The following RNF168 variants were observed in gnomAD, a reference collection of about 807,000 sequenced individuals.
RNF168 encodes the protein E3 ubiquitin-protein ligase RNF168.
Under a neutral mutation model 34.9 loss-of-function variants are expected in RNF168, and 34 were observed. The observed-to-expected ratio is 0.97, with a 90% CI of 0.74 to 1.30. The LOEUF is 1.30. RNF168 is among the 50% of genes most tolerant of loss of function. RNF168 has a pLI of 0.00. For synonymous variants in RNF168, 264 were observed against 254.7 expected (o/e 1.04, Z -0.35); for missense variants, 725 against 682.5 (o/e 1.06, Z -0.69).
chr3:196,474,188 C>T (rs576666852), intron 5 of RNF168, among the ~76,000 whole-genome samples: 7 of 144,048 alleles, frequency 4.9e-5, no homozygotes, highest in East Asian at 4.0e-4. Context: ...AGTGCAATGG[C>T]GACATCTCAG....
intron 4 of RNF168, among the ~76,000 whole-genome samples, chr3:196,480,582 A>G (rs1227893276): frequency 6.6e-6 from 1 of 152,244 alleles, no homozygotes; most frequent in South Asian, 2.1e-4. Flanking sequence ...TTGTAGTATT[A>G]GGCATCTTCT....
chr3:196,472,303 G>A lies in RNF168; in HGVS notation c.1232C>T (p.Ser411Phe). 6.2e-7 allele frequency: 1 copy of A among 1,613,838 alleles called. No homozygotes were observed. The highest frequency in any genetic ancestry group is 8.5e-7 in the Non-Finnish European group (1 of 1,179,762). ...PCFSAKRRKV[S>F]PESSPDQEET... ...CTCTTGATCTGGGGAAGATTCGGGGGACACTTTTCTTCTTTTTGCAGAAAA... is the reference window on the plus strand; with the variant it reads ...CTCTTGATCTGGGGAAGATTCGGGGAACACTTTTCTTCTTTTTGCAGAAAA... The change falls in exon 6 of 6, where the codon TCC (serine) becomes TTC (phenylalanine). Residue 411 changes from serine to phenylalanine, a missense_variant. By Grantham distance (155) the Ser-to-Phe change is radical. Transcript: ENST00000318037.
At chr3:196,498,374 T>C (rs1277247517) in intron 1 of RNF168, among the ~76,000 whole-genome samples, 1 of 152,064 alleles carries the variant, frequency 6.6e-6, no homozygotes, top group Non-Finnish European at 1.5e-5. Context: ...AGGCTGGTCT[T>C]GAACTCCTGA....
intron 3 of RNF168, among the ~76,000 whole-genome samples, chr3:196,487,123 A>C (rs946861290): frequency 6.6e-6 from 1 of 152,264 alleles, no homozygotes; most frequent in Non-Finnish European, 1.5e-5. Context: ...ATTTTACTTT[A>C]AGTAAAGCAA....
intron 1 of RNF168, among the ~76,000 whole-genome samples, chr3:196,500,058 T>C (rs1452713177): frequency 6.6e-6 from 1 of 152,146 alleles, no homozygotes; most frequent in African/African-American, 2.4e-5. Context: ...TTGGTGGGAA[T>C]GTAAAACGGT....
intron 1 of RNF168, among the ~76,000 whole-genome samples, chr3:196,500,776 A>ATC (rs1364961348): frequency 2.6e-5 from 4 of 151,526 alleles, no homozygotes; most frequent in Non-Finnish European, 5.9e-5. Flanking sequence ...CGGTGGCGTG[A>ATC]TCTCGGCTCA....
intron 3 of RNF168, among the ~76,000 whole-genome samples, chr3:196,485,735 A>T (rs148725417): frequency 3.7e-4 from 57 of 152,236 alleles, no homozygotes; most frequent in African/African-American, 1.2e-3. Context: ...AAAAGAAAAA[A>T]ATTCCCAATT....
chr3:196,493,264 T>C (rs1732639868), intron 1 of RNF168, among the ~76,000 whole-genome samples: 1 of 152,218 alleles, frequency 6.6e-6, no homozygotes, highest in Non-Finnish European at 1.5e-5. Flanking sequence ...ATGACAGATT[T>C]TTAAAGTTTA....
intron 4 of RNF168, among the ~76,000 whole-genome samples, chr3:196,479,405 C>A (rs566860715): frequency 2.0e-5 from 3 of 151,808 alleles, no homozygotes; most frequent in African/African-American, 7.3e-5. Flanking sequence ...CCCAGGTTCA[C>A]GTGATCCTGC....
chr3:196,496,257 A>G (rs959745923), intron 1 of RNF168, among the ~76,000 whole-genome samples: 3 of 152,218 alleles, frequency 2.0e-5, no homozygotes, highest in Admixed American at 2.0e-4. Flanking sequence ...GTTCTGGCTA[A>G]AAGTCCAAAA....
At position 196,475,320 on chromosome 3, in the gene RNF168, A is replaced by C. The variant is rs994961796; in HGVS notation, c.681-8T>G. ...GATTTCGGTGTCAAATACCTAAAAG[A>C]AAAGTTTACCAAAGTTTCAATGCTT... On this transcript the variant is annotated splice_polypyrimidine_tract_variant and splice_region_variant and intron_variant, in intron 4 of 5. Transcript: ENST00000318037. 1.3e-6 allele frequency: 2 copies of C among 1,562,888 alleles called. No homozygotes were observed. Among genetic ancestry groups the C allele is most frequent in the Non-Finnish European group, 1.8e-6 (2 of 1,133,242 alleles).
At chr3:196,497,092 G>C (rs1275021924) in intron 1 of RNF168, among the ~76,000 whole-genome samples, 1 of 151,978 alleles carries the variant, frequency 6.6e-6, no homozygotes, top group Non-Finnish European at 1.5e-5. Flanking sequence ...GATGTAGTGA[G>C]CTGAGATCAC....
At chr3:196,480,706 A>AATC (rs1466960575) in intron 4 of RNF168, among the ~76,000 whole-genome samples, 5 of 152,268 alleles carry the variant, frequency 3.3e-5, no homozygotes, top group Non-Finnish European at 7.4e-5. Context: ...GCAGTGGTAA[A>AATC]ATCACAGCTC....
chr3:196,496,006 A>G (rs916051438), intron 1 of RNF168, among the ~76,000 whole-genome samples: 6 of 152,194 alleles, frequency 3.9e-5, no homozygotes, highest in African/African-American at 1.4e-4. Context: ...CATAAATTAA[A>G]AATACATAAA....
intron 4 of RNF168, among the ~76,000 whole-genome samples, chr3:196,480,449 C>T (rs1053769334): frequency 1.3e-5 from 2 of 152,264 alleles, no homozygotes; most frequent in Admixed American, 1.3e-4. Flanking sequence ...TCTCTAAACA[C>T]TTTATTGATT....
At chr3:196,501,319 A>C (rs1446653555) in intron 1 of RNF168, among the ~76,000 whole-genome samples, 1 of 152,208 alleles carries the variant, frequency 6.6e-6, no homozygotes, top group Non-Finnish European at 1.5e-5. Flanking sequence ...AAAGGTGAAA[A>C]AAACCAATGT....
chr3:196,472,145 G>C lies in RNF168; in HGVS notation c.1390C>G (p.Pro464Ala). 1 of 1,613,880 alleles carries C rather than the reference G, an allele frequency of 6.2e-7. No individual in the cohort carries two copies. The highest frequency in any genetic ancestry group is 1.7e-5 in the Admixed American group (1 of 59,948). ...QKEVDKEQMV[P>A]NRQKGSPDEY... ...TCTGGGGATCCTTTTTGCCGGTTTGGCACCATTTGCTCTTTATCCACCTCC... is the reference window on the plus strand; with the variant it reads ...TCTGGGGATCCTTTTTGCCGGTTTGCCACCATTTGCTCTTTATCCACCTCC... The change falls in exon 6 of 6, where the codon CCA becomes GCA. Residue 464 changes from proline to alanine, a missense_variant. Pro to Ala is a conservative substitution (Grantham distance 27). Coordinates refer to ENST00000318037, the MANE Select transcript of RNF168 (RefSeq NM_152617.4).
intron 4 of RNF168, among the ~76,000 whole-genome samples, chr3:196,482,524 G>C (rs957787369): frequency 6.6e-6 from 1 of 152,178 alleles, no homozygotes; most frequent in Non-Finnish European, 1.5e-5. Context: ...ATCACCAACT[G>C]TTTTCTGCAG....
intron 1 of RNF168, among the ~76,000 whole-genome samples, chr3:196,499,455 A>T (rs1163181803): frequency 6.6e-6 from 1 of 152,224 alleles, no homozygotes; most frequent in Non-Finnish European, 1.5e-5. Context: ...ACTTTGTTAC[A>T]GTAGCCCTAG....
Sources: allele counts gnomAD v4.1 joint callset (sites outside exome capture counted in the v4.1 genomes callset), GRCh38; gene constraint gnomAD v4.1.1; transcripts MANE v1.5; gene names NCBI Gene and HGNC (gene_info 2026-07-23, HGNC 2026-07-21).